Variants in GRK5 observed in about 807,000 individuals in gnomAD.
GRK5 encodes G protein-coupled receptor kinase 5.
A neutral mutation model predicts 78.4 loss-of-function variants in GRK5; 40 were observed. That is an observed-to-expected ratio of 0.51 (90% confidence interval 0.40 to 0.66). GRK5 has a LOEUF of 0.66. Among genes scored for constraint, GRK5 ranks in the 30% least tolerant of loss-of-function variants. The pLI, the probability that GRK5 is intolerant of heterozygous loss-of-function variation, is 0.00. For synonymous variants in GRK5, 289 were observed against 296.8 expected (o/e 0.97, Z 0.27); for missense variants, 598 against 759.9 (o/e 0.79, Z 2.50).
intron 6 of GRK5, among the ~76,000 whole-genome samples, chr10:119,426,984 A>C (rs933602306): frequency 1.3e-5 from 1 of 74,458 alleles, no homozygotes; most frequent in African/African-American, 5.5e-5. Context: ...ACCGCCATCA[A>C]CATCACCACC....
chr10:119,434,732 A>T (rs533971788), intron 8 of GRK5, among the ~76,000 whole-genome samples: 1 of 152,254 alleles, frequency 6.6e-6, no homozygotes, highest in African/African-American at 2.4e-5. Flanking sequence ...CAGTGGATCT[A>T]CCATTCTGGG....
In GRK5 at chr10:119,452,646, G is replaced by A. The variant is rs376502974; in HGVS notation, c.1405-25G>A. The A allele has an allele frequency of 1.9e-6, 3 of 1,613,504 alleles. No individual in the cohort carries two copies. The highest frequency in any genetic ancestry group is 2.7e-5 in the African/African-American group (2 of 75,066). ...CTGGAGCCGCAGGCGGGACATATGTGTGACCGGCCCTCTGCCCCTGGCAGC... is the reference window on the plus strand; with the variant it reads ...CTGGAGCCGCAGGCGGGACATATGTATGACCGGCCCTCTGCCCCTGGCAGC... On this transcript the variant is annotated intron_variant, in intron 13 of 15. Coordinates refer to ENST00000392870, the MANE Select transcript of GRK5 (RefSeq NM_005308.3). The surrounding 1 kb of genome is among the most constrained non-coding windows in gnomAD (Gnocchi z 4.4).
Position 119,430,723 on chromosome 10 carries a change from C to T in GRK5, c.597+285C>T, listed in dbSNP as rs1231262694. Reference sequence around the variant, plus strand: ...CAGAGGACAAATGGGCAGCCCTGGTCGTGTGTGGGGAGGAGATGTGAGGGC... The same window carrying T: ...CAGAGGACAAATGGGCAGCCCTGGTTGTGTGTGGGGAGGAGATGTGAGGGC... On this transcript the variant is annotated intron_variant, in intron 7 of 15. Coordinates refer to ENST00000392870, the MANE Select transcript of GRK5 (RefSeq NM_005308.3). This position sits in a 1 kb window ranked among gnomAD's most constrained non-coding sequence, Gnocchi z 4.5. Among the ~76,000 whole-genome samples, 2 of 151,968 alleles carry T rather than the reference C, an allele frequency of 1.3e-5. No homozygotes were observed. Among genetic ancestry groups the T allele is most frequent in the Non-Finnish European group, 2.9e-5 (2 of 67,982 alleles).
rs1852366238 is a variant in GRK5, at chr10:119,412,474, G to C, written c.340-10692G>C. Among the ~76,000 whole-genome samples the C allele has an allele frequency of 6.6e-6, 1 of 152,192 alleles. No homozygotes were observed. On this transcript the variant is annotated intron_variant, in intron 4 of 15. Transcript: ENST00000392870. This position sits in a 1 kb window ranked among gnomAD's most constrained non-coding sequence, Gnocchi z 4.3. ...CCACGAGCCCGCACAGCTCGTGAGC[G>C]TGTGGCCGGACTGATTTATTTTTCT...
At chr10:119,398,794 A>G (rs1852099779) in intron 4 of GRK5, among the ~76,000 whole-genome samples, 1 of 152,244 alleles carries the variant, frequency 6.6e-6, no homozygotes, top group Admixed American at 6.5e-5. Context: ...GGGTGATTCT[A>G]GAGCCCTGAG....
chr10:119,365,006 C>T (rs1431942919), intron 2 of GRK5, among the ~76,000 whole-genome samples: 1 of 152,078 alleles, frequency 6.6e-6, no homozygotes, highest in East Asian at 1.9e-4. Flanking sequence ...AGCTACCTAT[C>T]AGGTTTAGCG....
chr10:119,427,920 A>ATCACTGCCATCATCAGCC (rs60455658), intron 6 of GRK5, among the ~76,000 whole-genome samples: 4 of 150,790 alleles, frequency 2.7e-5, no homozygotes, highest in South Asian at 4.2e-4. Flanking sequence ...CACCGTCAGC[A>ATCACTGCCATCATCAGCC]TCACTGCCAT....
chr10:119,259,825 T>C (rs1374054708), intron 1 of GRK5, among the ~76,000 whole-genome samples: 2 of 152,252 alleles, frequency 1.3e-5, no homozygotes, highest in Admixed American at 6.5e-5. Context: ...CATAGCTGCA[T>C]ATGGCTAGCG....
chr10:119,307,419 A>G (rs917875988), intron 1 of GRK5, among the ~76,000 whole-genome samples: 1 of 152,156 alleles, frequency 6.6e-6, no homozygotes, highest in Non-Finnish European at 1.5e-5. Context: ...TTATCCAGGG[A>G]TATCAGGTGG....
chr10:119,448,739 C>G (rs1853212299), intron 13 of GRK5, among the ~76,000 whole-genome samples: 1 of 152,172 alleles, frequency 6.6e-6, no homozygotes, highest in South Asian at 2.1e-4. Context: ...AGAGGCCCCT[C>G]CCCCAGCAGC....
rs1473054378 is a variant in GRK5 at position 119,455,603 on chromosome 10, G to A, written c.*536G>A. On this transcript the variant is annotated 3_prime_UTR_variant, in exon 16 of 16. Coordinates refer to ENST00000392870, the MANE Select transcript of GRK5 (RefSeq NM_005308.3). Reference sequence around the variant, plus strand: ...AAATGAGAAAATGTCTTTATTAAATGTAGAAAGTGATCCATACTTCACCTT... The same window carrying A: ...AAATGAGAAAATGTCTTTATTAAATATAGAAAGTGATCCATACTTCACCTT... The A allele has an allele frequency of 3.4e-6, 1 of 293,966 alleles. No individual in the cohort carries two copies. Among genetic ancestry groups the A allele is most frequent in the East Asian group, 1.2e-4 (1 of 8,154 alleles). 18.2% of individuals were successfully genotyped at this position (293,966 alleles called of 1,614,324 possible). A position where few individuals can be genotyped will look rare whatever the true frequency, so the allele number is the denominator to read the frequency against.
At chr10:119,332,349 C>T (rs911859968) in intron 2 of GRK5, among the ~76,000 whole-genome samples, 2 of 152,162 alleles carry the variant, frequency 1.3e-5, no homozygotes, top group Non-Finnish European at 2.9e-5. Context: ...TCAAGTGATC[C>T]TCCCTCCTCA....
At chr10:119,333,657 C>A in intron 2 of GRK5, 1 of 436,628 alleles carries the variant, frequency 2.3e-6, no homozygotes, top group Non-Finnish European at 4.6e-6. Context: ...TACTTAGGTG[C>A]TCAAAGGGGT....
chr10:119,420,572 C>CTTTTTTTTTTTTTTTTTTTT (rs534550170), intron 4 of GRK5, among the ~76,000 whole-genome samples: 1 of 143,320 alleles, frequency 7.0e-6, no homozygotes, highest in African/African-American at 2.5e-5. Flanking sequence ...CTTTTTCTTT[C>CTTTTTTTTTTTTTTTTTTTT]TTTTTTTTTT....
At chr10:119,414,483 C>T (rs977035440) in intron 4 of GRK5, among the ~76,000 whole-genome samples, 4 of 152,214 alleles carry the variant, frequency 2.6e-5, no homozygotes, top group African/African-American at 9.7e-5. Context: ...CCATGGGCCT[C>T]CAGGGAGGGC....
chr10:119,329,356 C>T (rs776523746), intron 2 of GRK5, among the ~76,000 whole-genome samples: 2 of 152,254 alleles, frequency 1.3e-5, no homozygotes, highest in Admixed American at 6.5e-5. Context: ...ATAAAACAAA[C>T]ATAAGATTTT....
chr10:119,311,722 G>A (rs1019792821), intron 1 of GRK5, among the ~76,000 whole-genome samples: 10 of 151,638 alleles, frequency 6.6e-5, no homozygotes, highest in African/African-American at 2.4e-4. Flanking sequence ...GTGAGTGGAG[G>A]TTGCAGTGAA....
chr10:119,447,472 G>T (rs1239631587), intron 12 of GRK5, among the ~76,000 whole-genome samples: 1 of 152,156 alleles, frequency 6.6e-6, no homozygotes, highest in African/African-American at 2.4e-5. Flanking sequence ...TGCTTTGCTG[G>T]TGCAGTTCCC....
At chr10:119,297,735 G>A (rs559552469) in intron 1 of GRK5, among the ~76,000 whole-genome samples, 5 of 152,282 alleles carry the variant, frequency 3.3e-5, no homozygotes, top group East Asian at 1.9e-4. Context: ...GATGTAGCGC[G>A]AAGGCCCTTG....
Sources: allele counts gnomAD v4.1 joint callset (sites outside exome capture counted in the v4.1 genomes callset), GRCh38; gene constraint gnomAD v4.1.1; non-coding constraint Gnocchi (gnomAD v3.1); transcripts MANE v1.5; gene names NCBI Gene and HGNC (gene_info 2026-07-23, HGNC 2026-07-21).